DZIP3: variants seen among roughly 807,000 people sequenced by gnomAD.
DZIP3 encodes the protein DAZ interacting zinc finger protein 3, also known as E3 ubiquitin-protein ligase DZIP3.
A neutral mutation model predicts 162.0 loss-of-function variants in DZIP3; 118 were observed. That is an observed-to-expected ratio of 0.73 (90% confidence interval 0.63 to 0.85). The LOEUF is 0.85. Among genes scored for constraint, DZIP3 ranks in the 40% least tolerant of loss-of-function variants. The pLI is 0.00. For synonymous variants in DZIP3, 438 were observed against 458.6 expected (o/e 0.96, Z 0.57); for missense variants, 1,331 against 1,407.0 (o/e 0.95, Z 0.86).
intron 21 of DZIP3, among the ~76,000 whole-genome samples, chr3:108,665,696 G>A (rs1019089543): frequency 6.6e-6 from 1 of 152,012 alleles, no homozygotes; most frequent in Admixed American, 6.5e-5. Flanking sequence ...AAAAGACAAA[G>A]AAAAGGCTTG....
At chr3:108,645,977 A>G (rs533409314) in intron 14 of DZIP3, among the ~76,000 whole-genome samples, 4 of 152,350 alleles carry the variant, frequency 2.6e-5, no homozygotes, top group African/African-American at 9.6e-5. Context: ...CATTTTAAGC[A>G]GTTCTTACTC....
chr3:108,644,807 C>A, intron 14 of DZIP3, 26 bp downstream of exon 14: 1 of 1,574,388 alleles, frequency 6.4e-7, no homozygotes, highest in South Asian at 1.1e-5. Context: ...TTACTTCAGC[C>A]AATAAACTTC....
intron 14 of DZIP3, among the ~76,000 whole-genome samples, chr3:108,645,683 A>C (rs908062270): frequency 3.3e-5 from 5 of 152,198 alleles, no homozygotes; most frequent in African/African-American, 1.2e-4. Flanking sequence ...ATAAACATAC[A>C]ACTGTAAAAG....
chr3:108,680,314 G>T (rs1232405642), intron 26 of DZIP3, among the ~76,000 whole-genome samples: 1 of 151,936 alleles, frequency 6.6e-6, no homozygotes, highest in Non-Finnish European at 1.5e-5. Flanking sequence ...GCAAGGGAAG[G>T]GAATAAAAGA....
intron 10 of DZIP3, among the ~76,000 whole-genome samples, chr3:108,635,811 A>C (rs1253855858): frequency 6.6e-6 from 1 of 151,644 alleles, no homozygotes; most frequent in African/African-American, 2.4e-5. Flanking sequence ...AGTTGGGTCT[A>C]TAATGTGTGG....
At chr3:108,601,041 C>T (rs566390092) in intron 1 of DZIP3, among the ~76,000 whole-genome samples, 2 of 152,254 alleles carry the variant, frequency 1.3e-5, no homozygotes, top group East Asian at 1.9e-4. Context: ...TTCTTGTAGA[C>T]GTAAGTTTGT....
Position 108,593,159 on chromosome 3 carries a change from G to A in DZIP3, c.-73+3320G>A, listed in dbSNP as rs1022423297. On this transcript the variant is annotated intron_variant, in intron 1 of 32. Transcript: ENST00000361582. ...TTAAAATTATAACACAGTGGATTAT[G>A]TTGCCTTTTTGTTCTTGGGATAATA... is the stretch of plus-strand genomic sequence containing the variant. Among the ~76,000 whole-genome samples, 7 of 152,276 alleles carry A rather than the reference G, an allele frequency of 4.6e-5. No individual in the cohort carries two copies. The East Asian group carries it at 1.4e-3, about 29-fold the overall frequency.
At chr3:108,641,206 C>T (rs1407801952) in intron 12 of DZIP3, among the ~76,000 whole-genome samples, 1 of 151,910 alleles carries the variant, frequency 6.6e-6, no homozygotes, top group East Asian at 1.9e-4. Context: ...CATTTCTTCC[C>T]TCTTTTGTGC....
chr3:108,639,020 T>G (rs1272133516), intron 12 of DZIP3, among the ~76,000 whole-genome samples: 1 of 152,218 alleles, frequency 6.6e-6, no homozygotes, highest in Admixed American at 6.5e-5. Context: ...CCTCCCAAGT[T>G]ATCACATTGA....
intron 14 of DZIP3, among the ~76,000 whole-genome samples, 168 bp from the exon 15 acceptor site, chr3:108,646,449 A>G (rs963354469): frequency 1.3e-5 from 2 of 152,114 alleles, no homozygotes; most frequent in Non-Finnish European, 2.9e-5. Flanking sequence ...GTGATAATCT[A>G]AAGATTGTGC....
intron 1 of DZIP3, among the ~76,000 whole-genome samples, chr3:108,602,417 C>A (rs1940071029): frequency 6.6e-6 from 1 of 152,080 alleles, no homozygotes; most frequent in Non-Finnish European, 1.5e-5. Flanking sequence ...TAAAACACAG[C>A]CTACAGATAA....
chr3:108,601,497 G>C (rs1314610006), intron 1 of DZIP3, among the ~76,000 whole-genome samples: 22 of 152,180 alleles, frequency 1.4e-4, no homozygotes, highest in Admixed American at 1.4e-3. Flanking sequence ...TTTTAAGTTA[G>C]TAGCGTGGAG....
intron 17 of DZIP3, among the ~76,000 whole-genome samples, chr3:108,650,631 T>G (rs937286168): frequency 6.6e-6 from 1 of 151,826 alleles, no homozygotes; most frequent in Non-Finnish European, 1.5e-5. Context: ...TGTGATCTTC[T>G]TAACACTTCT....
intron 17 of DZIP3, among the ~76,000 whole-genome samples, chr3:108,649,788 AAAG>A (rs1942783978): frequency 6.6e-6 from 1 of 151,878 alleles, no homozygotes; most frequent in African/African-American, 2.4e-5. Flanking sequence ...AAGATTTAAA[AAAG>A]AATTCATATC....
At chr3:108,621,416 A>G (rs1203015819) in intron 5 of DZIP3, among the ~76,000 whole-genome samples, 1 of 152,218 alleles carries the variant, frequency 6.6e-6, no homozygotes, top group Non-Finnish European at 1.5e-5. Context: ...CATCACCTCA[A>G]GCATTTATCC....
chr3:108,624,324 T>C (rs1941497315), intron 5 of DZIP3, 120 bp from the exon 6 acceptor site: 2 of 605,272 alleles, frequency 3.3e-6, no homozygotes, highest in Non-Finnish European at 2.9e-6. Flanking sequence ...ACTGATAATG[T>C]TTTGATAATT....
At chr3:108,619,346 C>T (rs1941207558) in intron 5 of DZIP3, among the ~76,000 whole-genome samples, 1 of 139,110 alleles carries the variant, frequency 7.2e-6, no homozygotes, top group Admixed American at 6.8e-5. Flanking sequence ...ATACATAAAA[C>T]ATACAAATAC....
At chr3:108,612,899 GAGTA>G (rs1439997318) in intron 4 of DZIP3, among the ~76,000 whole-genome samples, 7 of 152,046 alleles carry the variant, frequency 4.6e-5, no homozygotes, top group Non-Finnish European at 1.0e-4. Context: ...GTAAAATACT[GAGTA>G]AAATACTTAA....
At chr3:108,671,492 G>A (rs1943925293) in intron 22 of DZIP3, among the ~76,000 whole-genome samples, 1 of 151,804 alleles carries the variant, frequency 6.6e-6, no homozygotes, top group Admixed American at 6.6e-5. Context: ...GAACCTCATA[G>A]GTAACCATTT....
Sources: allele counts gnomAD v4.1 joint callset (sites outside exome capture counted in the v4.1 genomes callset), GRCh38; gene constraint gnomAD v4.1.1; transcripts MANE v1.5; gene names NCBI Gene and HGNC (gene_info 2026-07-23, HGNC 2026-07-21).